Variants in ATXN7L1 observed in about 807,000 individuals in gnomAD.
ATXN7L1 encodes the protein ataxin-7-like protein 1.
ATXN7L1 carries 15 observed loss-of-function variants against 70.8 expected under a neutral mutation model. That is an observed-to-expected ratio of 0.21 (90% CI 0.14 to 0.33). The LOEUF (loss-of-function observed/expected upper bound fraction) is 0.33. Ranked by LOEUF, ATXN7L1 falls within the 10% of genes least tolerant of loss-of-function variation. The pLI, the probability that ATXN7L1 is intolerant of heterozygous loss-of-function variation, is 1.00. For synonymous variants in ATXN7L1, 440 were observed against 445.1 expected, an observed-to-expected ratio of 0.99 and a Z score of 0.14; for missense variants, 975 against 1,097.1, an observed-to-expected ratio of 0.89 and a Z score of 1.57.
At chr7:105,626,374 G>A (rs771985060) in intron 7 of ATXN7L1, among the ~76,000 whole-genome samples, 1 of 152,154 alleles carries the variant, frequency 6.6e-6, no homozygotes, top group Non-Finnish European at 1.5e-5. Flanking sequence ...GAATAGGGAG[G>A]GGGTATTTAG....
chr7:105,846,939 T>C (rs1814139065), intron 2 of ATXN7L1, among the ~76,000 whole-genome samples: 1 of 152,156 alleles, frequency 6.6e-6, no homozygotes, highest in Admixed American at 6.6e-5. Flanking sequence ...TGATTCGTAG[T>C]TGCCAGGGAC....
intron 10 of ATXN7L1, 121 bp from the exon 11 acceptor site, chr7:105,610,724 G>T (rs888545150): frequency 2.5e-6 from 2 of 814,118 alleles, no homozygotes; most frequent in Non-Finnish European, 3.9e-6. Context: ...CCTCAGATTG[G>T]CTCGGAACTG....
At position 105,614,577 on chromosome 7, in the gene ATXN7L1, T is replaced by C. The variant is rs1793581544; in HGVS notation, c.1757A>G (p.His586Arg). 1.9e-6 allele frequency: 3 copies of C among 1,550,504 alleles called. No homozygotes were observed. The highest frequency in any genetic ancestry group is 1.2e-5 in the South Asian group (1 of 83,910). Residue 586 changes from histidine (H) to arginine (R), a missense_variant, in exon 10 of 12, where the codon CAT becomes CGT. His to Arg is a conservative substitution (Grantham distance 29, BLOSUM62 0). Coordinates refer to ENST00000419735, the MANE Select transcript of ATXN7L1 (RefSeq NM_020725.2). This position sits in a 1 kb window ranked among gnomAD's most constrained non-coding sequence, Gnocchi z 4.3. The stretch of plus-strand genomic sequence containing the variant: ...CATGATGCTGAGGGTTGCGGCCACA[T>C]GAGGGAAAGCTGTGGTGTGGGACAT... The part of the protein sequence containing the change: ...ALMSHTTAFP[H>R]VAATLSIMDS...
At chr7:105,663,120 A>G (rs762762565) in intron 4 of ATXN7L1, among the ~76,000 whole-genome samples, 31 of 152,210 alleles carry the variant, frequency 2.0e-4, no homozygotes, top group Non-Finnish European at 3.7e-4. Context: ...ATAAACTCTC[A>G]GGCACATTCT....
chr7:105,790,663 A>T (rs1288572237), intron 2 of ATXN7L1, among the ~76,000 whole-genome samples: 1 of 141,178 alleles, frequency 7.1e-6, no homozygotes, highest in African/African-American at 2.7e-5. Context: ...TCATCTATCT[A>T]CTATCTATCT....
At chr7:105,780,918 A>G (rs1475777771) in intron 3 of ATXN7L1, among the ~76,000 whole-genome samples, 1 of 152,208 alleles carries the variant, frequency 6.6e-6, no homozygotes, top group African/African-American at 2.4e-5. Context: ...TTGATAAAAA[A>G]TTTAAATACA....
intron 7 of ATXN7L1, 44 bp downstream of exon 7, chr7:105,638,309 C>T (rs938744402): frequency 3.3e-6 from 5 of 1,524,304 alleles, no homozygotes; most frequent in Non-Finnish European, 4.4e-6. Context: ...AAGCTAGTCA[C>T]TTGACCAAGC....
chr7:105,616,696 G>A (rs1408803801), intron 9 of ATXN7L1, among the ~76,000 whole-genome samples: 1 of 152,190 alleles, frequency 6.6e-6, no homozygotes, highest in African/African-American at 2.4e-5. Context: ...ACTATGCATG[G>A]TGGGCAAGGA....
chr7:105,857,271 A>G (rs985065744), intron 2 of ATXN7L1, among the ~76,000 whole-genome samples: 2 of 152,240 alleles, frequency 1.3e-5, no homozygotes, highest in African/African-American at 2.4e-5. Flanking sequence ...TCTACCTTTA[A>G]GTCAAAGGTC....
chr7:105,814,845 G>A (rs1315038666), intron 2 of ATXN7L1, among the ~76,000 whole-genome samples: 6 of 152,196 alleles, frequency 3.9e-5, no homozygotes, highest in Non-Finnish European at 8.8e-5. Context: ...CTTTAAATAA[G>A]AAGAGAATGT....
At chr7:105,767,388 G>A (rs1801416977) in intron 3 of ATXN7L1, among the ~76,000 whole-genome samples, 1 of 152,058 alleles carries the variant, frequency 6.6e-6, no homozygotes, top group South Asian at 2.1e-4. Flanking sequence ...ATCCAGCTAC[G>A]ATCCTTGCTG....
intron 2 of ATXN7L1, among the ~76,000 whole-genome samples, chr7:105,838,561 G>A (rs180866347): frequency 2.0e-3 from 298 of 152,280 alleles, no homozygotes; most frequent in South Asian, 0.011. Flanking sequence ...TAGATTCTGT[G>A]AAATTCCAGC....
chr7:105,618,891 T>G (rs1794324695), intron 9 of ATXN7L1, among the ~76,000 whole-genome samples: 2 of 152,126 alleles, frequency 1.3e-5, no homozygotes, highest in Non-Finnish European at 1.5e-5. Flanking sequence ...CCTATTAAAA[T>G]GTAAGTACAC....
At chr7:105,843,065 C>T (rs1338062776) in intron 2 of ATXN7L1, among the ~76,000 whole-genome samples, 2 of 152,092 alleles carry the variant, frequency 1.3e-5, no homozygotes, top group Non-Finnish European at 1.5e-5. Context: ...AAAATGAAGG[C>T]GTGAGCTTGG....
chr7:105,875,127 A>G (rs1482012424), intron 2 of ATXN7L1: 2 of 152,720 alleles, frequency 1.3e-5, no homozygotes, highest in African/African-American at 2.4e-5. Flanking sequence ...TATGACGACC[A>G]TATGTGTTTG....
At chr7:105,788,249 C>T in intron 3 of ATXN7L1, 1 of 226,264 alleles carries the variant, frequency 4.4e-6, no homozygotes, top group South Asian at 8.8e-5. Flanking sequence ...TCTCCTGACC[C>T]TCTTTCAGGG....
intron 3 of ATXN7L1, among the ~76,000 whole-genome samples, chr7:105,692,250 T>G (rs1790984274): frequency 6.6e-6 from 1 of 152,130 alleles, no homozygotes; most frequent in South Asian, 2.1e-4. Context: ...AGAGATTGAC[T>G]TAGATTTTGC....
chr7:105,763,062 T>A (rs945119139), intron 3 of ATXN7L1, among the ~76,000 whole-genome samples: 1 of 152,204 alleles, frequency 6.6e-6, no homozygotes, highest in African/African-American at 2.4e-5. Context: ...ACCACACAGC[T>A]GAGCCACTCC....
intron 3 of ATXN7L1, among the ~76,000 whole-genome samples, chr7:105,716,936 A>G (rs1563032238): frequency 6.6e-6 from 1 of 152,098 alleles, no homozygotes; most frequent in Non-Finnish European, 1.5e-5. Flanking sequence ...TAAAATGATA[A>G]GTGTATGATA....
Sources: allele counts gnomAD v4.1 joint callset (sites outside exome capture counted in the v4.1 genomes callset), GRCh38; gene constraint gnomAD v4.1.1; non-coding constraint Gnocchi (gnomAD v3.1); transcripts MANE v1.5; gene names NCBI Gene and HGNC (gene_info 2026-07-23, HGNC 2026-07-21).